Variants in WDR64 observed in about 807,000 individuals in gnomAD.
WDR64 encodes the protein WD repeat domain 64.
WDR64 carries 112 observed loss-of-function variants against 139.3 expected under a neutral mutation model. The ratio of observed to expected loss-of-function variants is 0.80; its 90% CI spans 0.69 to 0.94. WDR64 has a LOEUF of 0.94. Ranked by LOEUF, WDR64 falls within the 40% of genes least tolerant of loss-of-function variation. The pLI, the probability that WDR64 is intolerant of heterozygous loss-of-function variation, is 0.00. For missense variants in WDR64, 1,206 were observed against 1,293.1 expected (o/e 0.93, Z 1.03); for synonymous variants, 444 against 437.7 (o/e 1.01, Z -0.18).
chr1:241,747,737 T>A (rs752794322), intron 13 of WDR64, among the ~76,000 whole-genome samples: 2 of 152,128 alleles, frequency 1.3e-5, no homozygotes, highest in East Asian at 3.9e-4. Flanking sequence ...CGAGAATCGA[T>A]GTTGCAGGCA....
chr1:241,760,245 T>C (rs1415546052), intron 15 of WDR64, among the ~76,000 whole-genome samples: 4 of 152,148 alleles, frequency 2.6e-5, no homozygotes, highest in Non-Finnish European at 1.5e-5. Context: ...AGATGTACCA[T>C]TGTTTATTCA....
At chr1:241,675,058 CCCTTCCTCCTTCCTG>C (rs1558465947) in intron 4 of WDR64, among the ~76,000 whole-genome samples, 3 of 94,890 alleles carry the variant, frequency 3.2e-5, no homozygotes, top group African/African-American at 8.8e-5. Context: ...TTCCTTTTCT[CCCTTCCTCCTTCCTG>C]CCTCCCTCCC....
At chr1:241,791,256 A>G (rs1659207371) in intron 25 of WDR64, among the ~76,000 whole-genome samples, 1 of 152,228 alleles carries the variant, frequency 6.6e-6, no homozygotes, top group Admixed American at 6.5e-5. Flanking sequence ...GCTGCACTCC[A>G]GCCTTGGCAA....
chr1:241,679,505 G>A lies in WDR64; in HGVS notation c.534G>A (p.Gly178=). 2 of 1,551,910 alleles carry A rather than the reference G, an allele frequency of 1.3e-6. No homozygotes were observed. The highest frequency in any genetic ancestry group is 2.4e-5 in the South Asian group (2 of 84,052). Residue 178 remains glycine, a synonymous_variant, in exon 6 of 28, where the codon GGG becomes GGA. Coordinates refer to ENST00000437684, the MANE Select transcript of WDR64 (RefSeq NM_001367482.1). ...TNVTDTSWIT[G]CDYLLQLKRI... ...ATCAGGACACCTCCTGGATTACAGG[G>A]TGTGATTACCTCTTGCAGCTGAAAC...
At chr1:241,709,890 TC>T (rs1321622050) in intron 8 of WDR64, among the ~76,000 whole-genome samples, 6 of 152,050 alleles carry the variant, frequency 3.9e-5, no homozygotes, top group Admixed American at 3.3e-4. Context: ...ACAGGCGGGT[TC>T]CCCTCAGAAA....
intron 9 of WDR64, 90 bp from the exon 10 acceptor site, chr1:241,723,207 A>G (rs1668670488): frequency 1.3e-6 from 2 of 1,491,586 alleles, no homozygotes; most frequent in Non-Finnish European, 1.8e-6. Context: ...TGCTGTTCGA[A>G]GAAAGATACG....
At chr1:241,693,614 G>A (rs1421660153) in intron 8 of WDR64, among the ~76,000 whole-genome samples, 2 of 152,044 alleles carry the variant, frequency 1.3e-5, no homozygotes, top group Non-Finnish European at 2.9e-5. Flanking sequence ...TTTTGATTTC[G>A]GGAGAGACTG....
chr1:241,676,670 ACTC>A (rs1236942163), intron 4 of WDR64, among the ~76,000 whole-genome samples: 1 of 152,160 alleles, frequency 6.6e-6, no homozygotes, highest in African/African-American at 2.4e-5. Context: ...GCACGTGTAT[ACTC>A]ACAAACGTGC....
At chr1:241,777,449 G>T (rs1469926981) in intron 21 of WDR64, among the ~76,000 whole-genome samples, 1 of 147,730 alleles carries the variant, frequency 6.8e-6, no homozygotes, top group Admixed American at 6.8e-5. Context: ...ACAGAGTCTC[G>T]CTCTATTGCT....
At chr1:241,698,475 C>A (rs1304953597) in intron 8 of WDR64, among the ~76,000 whole-genome samples, 2 of 152,122 alleles carry the variant, frequency 1.3e-5, no homozygotes, top group South Asian at 2.1e-4. Flanking sequence ...AAGATGACAT[C>A]CAAACATCTC....
intron 8 of WDR64, among the ~76,000 whole-genome samples, chr1:241,688,830 C>A (rs2148120552): frequency 6.6e-6 from 1 of 152,192 alleles, no homozygotes; most frequent in African/African-American, 2.4e-5. Flanking sequence ...GGCCCCTATG[C>A]TTTTGTGAGT....
chr1:241,662,756 T>C lies in WDR64; in HGVS notation c.276+2096T>C, dbSNP rs557991575. The stretch of plus-strand genomic sequence containing the variant: ...CCATAGAGACTTACCAGAAACATAT[T>C]TGAGCAAGGATCATATTTATTGCTG... On this transcript the variant is annotated intron_variant, in intron 2 of 27. Transcript: ENST00000437684. 1.3e-3 allele frequency among the ~76,000 whole-genome samples: 202 copies of C among 152,224 alleles called. 1 individual carries two copies. Among genetic ancestry groups the C allele is most frequent in the Middle Eastern group, 0.01 (3 of 294 alleles).
At chr1:241,749,497 C>A (rs774467369) in intron 13 of WDR64, 50 bp from the exon 14 acceptor site, 2 of 1,575,292 alleles carry the variant, frequency 1.3e-6, no homozygotes, top group Non-Finnish European at 1.7e-6. Context: ...AAAAGCCAAG[C>A]TTTCTCTAAG....
At chr1:241,711,985 T>C (rs1668188938) in intron 9 of WDR64, 104 bp downstream of exon 9, 1 of 1,072,756 alleles carries the variant, frequency 9.3e-7, no homozygotes, top group Admixed American at 2.2e-5. Flanking sequence ...TACAAATTTG[T>C]ATCAAGTCAA....
intron 6 of WDR64, 112 bp from the exon 7 acceptor site, chr1:241,683,375 G>A: frequency 1.1e-6 from 1 of 924,660 alleles, no homozygotes; most frequent in Non-Finnish European, 1.6e-6. Context: ...TATAAGATAG[G>A]TGTATCTACA....
At chr1:241,769,362 AT>A in intron 16 of WDR64, 41 bp from the exon 17 acceptor site, 1 of 1,479,804 alleles carries the variant, frequency 6.8e-7, no homozygotes, top group Non-Finnish European at 9.2e-7. Context: ...AAGCTCCATA[AT>A]TTGTGAATTT....
chr1:241,674,470 G>A (rs1284462707), intron 3 of WDR64, among the ~76,000 whole-genome samples, 174 bp from the exon 4 acceptor site: 1 of 151,790 alleles, frequency 6.6e-6, no homozygotes, highest in African/African-American at 2.4e-5. Context: ...GCCCAGGCTG[G>A]TCTTGAACTC....
intron 8 of WDR64, among the ~76,000 whole-genome samples, chr1:241,702,555 GAGA>G (rs2148149286): frequency 6.6e-6 from 1 of 151,924 alleles, no homozygotes; most frequent in East Asian, 1.9e-4. Flanking sequence ...GAATACAAAG[GAGA>G]AGAGATGAAA....
chr1:241,674,802 T>C (rs1666403666), intron 4 of WDR64, 55 bp downstream of exon 4: 1 of 1,142,568 alleles, frequency 8.8e-7, no homozygotes, highest in Non-Finnish European at 1.3e-6. Flanking sequence ...AACCAGGTAA[T>C]TTAAAAGCTT....
Sources: gnomAD v4.1 joint callset for allele counts (sites outside exome capture counted in the v4.1 genomes callset) on GRCh38, gnomAD v4.1.1 for gene constraint, MANE v1.5 for transcripts, NCBI Gene and HGNC (gene_info 2026-07-23, HGNC 2026-07-21) for gene names.